Variants in ZNF440 observed in about 807,000 individuals in gnomAD.
ZNF440 encodes zinc finger protein 440.
ZNF440 carries 47 observed loss-of-function variants against 49.7 expected under a neutral mutation model. The observed-to-expected ratio is 0.95, with a 90% confidence interval of 0.75 to 1.21. The LOEUF is 1.21. Ranked by LOEUF, ZNF440 falls within the 50% of genes most tolerant of loss-of-function variation. ZNF440 has a pLI of 0.00. For synonymous variants in ZNF440, 255 were observed against 237.7 expected, an observed-to-expected ratio of 1.07 and a Z score of -0.67; for missense variants, 703 against 715.0, an observed-to-expected ratio of 0.98 and a Z score of 0.19.
intron 1 of ZNF440, among the ~76,000 whole-genome samples, chr19:11,827,229 A>C (rs1599294316): frequency 6.6e-6 from 1 of 151,272 alleles, no homozygotes; most frequent in African/African-American, 2.4e-5. Context: ...AGGCCCGGCT[A>C]ATTTTTGTAT....
chr19:11,818,853 A>G (rs1292160927), intron 1 of ZNF440, among the ~76,000 whole-genome samples: 2 of 152,130 alleles, frequency 1.3e-5, no homozygotes, highest in Admixed American at 1.3e-4. Flanking sequence ...AACCTAATTC[A>G]TTATGGTTTT....
intron 1 of ZNF440, among the ~76,000 whole-genome samples, chr19:11,822,321 T>C (rs1975809471): frequency 6.6e-6 from 1 of 152,226 alleles, no homozygotes; most frequent in Admixed American, 6.5e-5. Flanking sequence ...TTTCTTCCGT[T>C]ATGAGAAAGT....
At chr19:11,829,727 G>C (rs901276813) in intron 1 of ZNF440, among the ~76,000 whole-genome samples, 22 of 152,154 alleles carry the variant, frequency 1.4e-4, no homozygotes, top group Non-Finnish European at 2.4e-4. Context: ...CAACTACTCA[G>C]GAGGCTGAGG....
chr19:11,822,240 A>G (rs746015073), intron 1 of ZNF440, among the ~76,000 whole-genome samples: 3 of 152,200 alleles, frequency 2.0e-5, no homozygotes, highest in Non-Finnish European at 4.4e-5. Context: ...TAATAAATAT[A>G]TGTGAGTTGA....
rs775492282 is a variant in ZNF440 at position 11,832,206 on chromosome 19, A to G, written c.1030A>G (p.Ile344Val). Residue 344 changes from isoleucine (I) to valine (V), a missense_variant, in exon 4 of 4, where the codon ATA becomes GTA. By Grantham distance (29) the Ile-to-Val change is conservative. Transcript: ENST00000304060. ...HSGERPYECK[I>V]CGKDFCSVNS... ...TGGAGAAAGACCTTATGAATGTAAG[A>G]TATGTGGAAAAGACTTTTGTTCTGT... 9 of 1,614,204 alleles carry G rather than the reference A, an allele frequency of 5.6e-6. No individual in the cohort carries two copies. The highest frequency in any genetic ancestry group is 7.6e-6 in the Non-Finnish European group (9 of 1,180,034).
At chr19:11,831,342 C>T (rs757780943) in intron 3 of ZNF440, 26 bp from the exon 4 acceptor site, 1 of 1,590,858 alleles carries the variant, frequency 6.3e-7, no homozygotes, top group South Asian at 1.2e-5. Flanking sequence ...ACAAACCCTT[C>T]ATAATATGCT....
At position 11,831,390 on chromosome 19, in the gene ZNF440, A is replaced by G; in HGVS notation, c.214A>G (p.Asn72Asp). ...CAGGAGTCTCATAGAAGAAAAAGTC[A>G]ATGAAATTAAAGATGACAGTCATTG... ...NFRSLIEEKV[N>D]EIKDDSHCGE... The change falls in exon 4 of 4, where the codon AAT becomes GAT. Residue 72 changes from asparagine (N) to aspartate (D), a missense_variant. Asn to Asp is a conservative substitution (Grantham distance 23). Coordinates refer to ENST00000304060, the MANE Select transcript of ZNF440 (RefSeq NM_152357.3). 6.2e-7 allele frequency: 1 copy of G among 1,607,958 alleles called. No individual in the cohort carries two copies. Among genetic ancestry groups the G allele is most frequent in the Non-Finnish European group, 8.5e-7 (1 of 1,178,620 alleles).
chr19:11,822,665 T>C (rs894662618), intron 1 of ZNF440, among the ~76,000 whole-genome samples: 1 of 152,100 alleles, frequency 6.6e-6, no homozygotes, highest in Non-Finnish European at 1.5e-5. Flanking sequence ...CTGACCAATA[T>C]GGTGAAACCC....
At chr19:11,830,121 T>C in intron 1 of ZNF440, 162 bp from the exon 2 acceptor site, 1 of 1,401,710 alleles carries the variant, frequency 7.1e-7, no homozygotes, top group South Asian at 1.5e-5. Flanking sequence ...AGTTGCTTTG[T>C]GGAAGAAAGT....
chr19:11,815,291 C>CAT (rs1336040302), intron 1 of ZNF440, among the ~76,000 whole-genome samples: 2 of 148,234 alleles, frequency 1.3e-5, no homozygotes, highest in African/African-American at 5.1e-5. Flanking sequence ...CCGTCACACA[C>CAT]ACACACACAC....
At chr19:11,815,547 G>T (rs1270983666) in intron 1 of ZNF440, among the ~76,000 whole-genome samples, 1 of 152,096 alleles carries the variant, frequency 6.6e-6, no homozygotes, top group Non-Finnish European at 1.5e-5. Context: ...GAGGAGTAGC[G>T]GTCTTTGGGG....
Position 11,831,381 on chromosome 19 carries a change from G to A in ZNF440, c.205G>A (p.Glu69Lys). 6.2e-7 allele frequency: 1 copy of A among 1,607,340 alleles called. No individual in the cohort carries two copies. The highest frequency in any genetic ancestry group is 1.1e-5 in the South Asian group (1 of 89,526). ...CATTTTTGACAGGAGTCTCATAGAA[G>A]AAAAAGTCAATGAAATTAAAGATGA... Reference protein sequence around the residue: ...PRRNFRSLIEEKVNEIKDDSH... With the variant: ...PRRNFRSLIEKKVNEIKDDSH... Residue 69 changes from glutamate to lysine, a missense_variant, in exon 4 of 4, where the codon GAA becomes AAA. Transcript: ENST00000304060.
rs1296584501 is a variant in ZNF440, at chr19:11,831,720, A to G, written c.544A>G (p.Ile182Val). The change falls in exon 4 of 4, where the codon ATT (isoleucine) becomes GTT (valine). Residue 182 changes from isoleucine (I) to valine (V), a missense_variant. Ile to Val is a conservative substitution (Grantham distance 29). Transcript: ENST00000304060. ...NACKVCGKTF[I>V]SHSSVRRHMV... Reference sequence around the variant, plus strand: ...TTGTAAAGTATGTGGAAAAACCTTTATTTCCCATTCAAGTGTTCGAAGACA... The same window carrying G: ...TTGTAAAGTATGTGGAAAAACCTTTGTTTCCCATTCAAGTGTTCGAAGACA... 2.5e-6 allele frequency: 4 copies of G among 1,614,114 alleles called. No homozygotes were observed. In the East Asian group the frequency reaches 8.9e-5, roughly 36 times the overall value.
intron 1 of ZNF440, among the ~76,000 whole-genome samples, chr19:11,822,717 CA>C (rs1454054808): frequency 6.6e-6 from 1 of 151,992 alleles, no homozygotes; most frequent in Non-Finnish European, 1.5e-5. Context: ...CGTGGTGGTA[CA>C]TGGCTGTAAT....
chr19:11,828,635 C>T (rs1442029045), intron 1 of ZNF440, among the ~76,000 whole-genome samples: 1 of 151,616 alleles, frequency 6.6e-6, no homozygotes, highest in Non-Finnish European at 1.5e-5. Context: ...TTCAATTATC[C>T]CGAGGTGTCA....
At position 11,832,081 on chromosome 19, in the gene ZNF440, A is replaced by T; in HGVS notation, c.905A>T (p.His302Leu). Residue 302 changes from histidine (H) to leucine (L), a missense_variant, in exon 4 of 4, where the codon CAT (histidine) becomes CTT (leucine). By Grantham distance (99) the His-to-Leu change is moderately conservative. Coordinates refer to ENST00000304060, the MANE Select transcript of ZNF440 (RefSeq NM_152357.3). Reference sequence around the variant, plus strand: ...ACGTGTCCCCGTTATGTTCGTATACATGAAAGGACCCACTCTAGGAAAAAT... The same window carrying T: ...ACGTGTCCCCGTTATGTTCGTATACTTGAAAGGACCCACTCTAGGAAAAAT... ...AFTCPRYVRI[H>L]ERTHSRKNLY... 6.2e-7 allele frequency: 1 copy of T among 1,614,178 alleles called. No individual in the cohort carries two copies.
At chr19:11,826,757 G>A (rs551963020) in intron 1 of ZNF440, among the ~76,000 whole-genome samples, 12 of 150,792 alleles carry the variant, frequency 8.0e-5, no homozygotes, top group Admixed American at 6.0e-4. Context: ...TCTGCCTCCC[G>A]GGTTTAAGCG....
At chr19:11,818,164 A>G (rs994694595) in intron 1 of ZNF440, among the ~76,000 whole-genome samples, 1 of 152,136 alleles carries the variant, frequency 6.6e-6, no homozygotes, top group Admixed American at 6.6e-5. Flanking sequence ...TGATTGTGCC[A>G]TTGCACTCCA....
chr19:11,814,725 C>A (rs1975710577), intron 1 of ZNF440, among the ~76,000 whole-genome samples: 1 of 152,184 alleles, frequency 6.6e-6, no homozygotes, highest in South Asian at 2.1e-4. Flanking sequence ...GGGGGGATCC[C>A]GCCTCGGATA....
Sources: gnomAD v4.1 joint callset for allele counts (sites outside exome capture counted in the v4.1 genomes callset) on GRCh38, gnomAD v4.1.1 for gene constraint, MANE v1.5 for transcripts, NCBI Gene and HGNC (gene_info 2026-07-23, HGNC 2026-07-21) for gene names.